Variants in TDRD3 observed in about 807,000 individuals in gnomAD.
The protein encoded by TDRD3 is tudor domain-containing protein 3.
Under a neutral mutation model 86.7 loss-of-function variants are expected in TDRD3, and 45 were observed. The observed-to-expected ratio is 0.52, with a 90% confidence interval of 0.41 to 0.67. The LOEUF (loss-of-function observed/expected upper bound fraction) is 0.67. Among genes scored for constraint, TDRD3 ranks in the 30% least tolerant of loss-of-function variants. TDRD3 has a pLI of 0.00. For missense variants in TDRD3, 814 were observed against 889.0 expected (o/e 0.92, Z 1.07); for synonymous variants, 298 against 301.7 (o/e 0.99, Z 0.13).
At position 60,483,841 on chromosome 13, in the gene TDRD3, G is replaced by C. The variant is rs944290069; in HGVS notation, c.562G>C (p.Gly188Arg). Residue 188 changes from glycine to arginine, a missense_variant, in exon 6 of 14, where the codon GGA (glycine) becomes CGA (arginine). Physicochemically the swap from Gly to Arg is moderately radical, Grantham distance 125 (BLOSUM62 -2). Coordinates refer to ENST00000377881, the MANE Select transcript of TDRD3 (RefSeq NM_001146070.2). Reference protein sequence around the residue: ...EGGPPPFVPFGQKCVSHVQVD... With the variant: ...EGGPPPFVPFRQKCVSHVQVD... ...TGGACCACCGCCTTTTGTGCCTTTT[G>C]GACAGGTAATGACTTTTGTGTTGGC... 6.2e-7 allele frequency: 1 copy of C among 1,612,722 alleles called. No homozygotes were observed. Among genetic ancestry groups the C allele is most frequent in the Non-Finnish European group, 8.5e-7 (1 of 1,179,360 alleles).
chr13:60,571,810 T>C (rs896807642), intron 13 of TDRD3, among the ~76,000 whole-genome samples: 1 of 152,120 alleles, frequency 6.6e-6, no homozygotes, highest in African/African-American at 2.4e-5. Flanking sequence ...TAAGGACAGC[T>C]TCAGTGACAG....
At chr13:60,408,587 C>T (rs1475509211) in intron 1 of TDRD3, among the ~76,000 whole-genome samples, 1 of 152,154 alleles carries the variant, frequency 6.6e-6, no homozygotes, top group African/African-American at 2.4e-5. Context: ...TATGTTTTAG[C>T]AAGGAGACTG....
chr13:60,472,885 G>C (rs1436118283), intron 5 of TDRD3, among the ~76,000 whole-genome samples: 1 of 152,084 alleles, frequency 6.6e-6, no homozygotes, highest in Non-Finnish European at 1.5e-5. Flanking sequence ...GGGAGTTATT[G>C]TTTAATGAGT....
At chr13:60,494,972 T>C (rs1956682620) in intron 8 of TDRD3, among the ~76,000 whole-genome samples, 1 of 152,228 alleles carries the variant, frequency 6.6e-6, no homozygotes, top group Admixed American at 6.5e-5. Flanking sequence ...GCATATGTAT[T>C]ATGTGGACCC....
At chr13:60,531,344 A>G (rs1001152846) in intron 11 of TDRD3, among the ~76,000 whole-genome samples, 14 of 152,168 alleles carry the variant, frequency 9.2e-5, no homozygotes, top group African/African-American at 3.4e-4. Flanking sequence ...GATTCATTAT[A>G]TTTAGATATT....
intron 8 of TDRD3, among the ~76,000 whole-genome samples, chr13:60,498,781 G>T (rs921045706): frequency 5.9e-5 from 9 of 152,132 alleles, no homozygotes; most frequent in African/African-American, 2.2e-4. Context: ...TGGGGAAAGA[G>T]AAATGATCAA....
chr13:60,397,549 C>T (rs1056708600), intron 1 of TDRD3, 144 bp downstream of exon 1: 2 of 570,578 alleles, frequency 3.5e-6, no homozygotes, highest in African/African-American at 2.0e-5. Flanking sequence ...TTCGGGCCGG[C>T]TCCGCCCCCG....
At chr13:60,426,702 G>T (rs762578695) in intron 1 of TDRD3, among the ~76,000 whole-genome samples, 11 of 152,240 alleles carry the variant, frequency 7.2e-5, no homozygotes, top group Non-Finnish European at 1.6e-4. Context: ...GAAAATTAAG[G>T]AGAGATTACT....
chr13:60,489,971 C>T (rs1174508324), intron 7 of TDRD3, among the ~76,000 whole-genome samples: 1 of 151,174 alleles, frequency 6.6e-6, no homozygotes, highest in Non-Finnish European at 1.5e-5. Context: ...GCATAGTTAA[C>T]CTATTATAAT....
intron 1 of TDRD3, among the ~76,000 whole-genome samples, chr13:60,399,710 T>C (rs1566163323): frequency 6.6e-6 from 1 of 152,270 alleles, no homozygotes; most frequent in Non-Finnish European, 1.5e-5. Flanking sequence ...TATTCAAATC[T>C]ATGTACTTAG....
intron 12 of TDRD3, chr13:60,537,390 T>A (rs539455882): frequency 6.6e-6 from 1 of 152,008 alleles, no homozygotes; most frequent in Non-Finnish European, 1.5e-5. Flanking sequence ...TTAAAAAATA[T>A]TTGTGTGCAT....
At chr13:60,498,890 G>C (rs1381796177) in intron 8 of TDRD3, among the ~76,000 whole-genome samples, 2 of 152,132 alleles carry the variant, frequency 1.3e-5, no homozygotes, top group East Asian at 3.9e-4. Flanking sequence ...GCTTATGGAG[G>C]TCAGGAAATT....
intron 12 of TDRD3, 27 bp downstream of exon 12, chr13:60,535,260 G>C (rs894658158): frequency 6.3e-7 from 1 of 1,577,834 alleles, no homozygotes; most frequent in Non-Finnish European, 8.6e-7. Context: ...CTGTACAAAG[G>C]CATAAACTAT....
intron 5 of TDRD3, among the ~76,000 whole-genome samples, chr13:60,480,123 A>G (rs1334973464): frequency 1.3e-5 from 2 of 152,130 alleles, no homozygotes; most frequent in African/African-American, 4.8e-5. Context: ...CTTTGTGATG[A>G]CAGGTATCAT....
intron 8 of TDRD3, among the ~76,000 whole-genome samples, chr13:60,496,824 C>T (rs1956729494): frequency 6.6e-6 from 1 of 152,112 alleles, no homozygotes; most frequent in Non-Finnish European, 1.5e-5. Context: ...CTGGAGGGTC[C>T]TTGTTCTTAG....
At chr13:60,500,207 A>C (rs1440606319) in intron 8 of TDRD3, among the ~76,000 whole-genome samples, 1 of 152,146 alleles carries the variant, frequency 6.6e-6, no homozygotes, top group Non-Finnish European at 1.5e-5. Context: ...ATGCAACCTG[A>C]ACTGCCTATC....
At chr13:60,395,862 G>A (rs115562775), upstream of TDRD3, among the ~76,000 whole-genome samples, 8 of 152,140 alleles carry the variant, frequency 5.3e-5, no homozygotes, top group African/African-American at 9.6e-5. Context: ...GCATACTACT[G>A]CACATTGCAG....
At chr13:60,480,411 CTGTATGA>C (rs1956284549) in intron 5 of TDRD3, among the ~76,000 whole-genome samples, 1 of 152,190 alleles carries the variant, frequency 6.6e-6, no homozygotes, top group Non-Finnish European at 1.5e-5. Flanking sequence ...CTCTAGCTGC[CTGTATGA>C]TTTTTTTCTT....
chr13:60,401,468 A>C (rs1954099844), intron 1 of TDRD3, among the ~76,000 whole-genome samples: 1 of 152,162 alleles, frequency 6.6e-6, no homozygotes, highest in Non-Finnish European at 1.5e-5. Flanking sequence ...CCCTGGGACC[A>C]ATCCCTTATG....
Sources: gnomAD v4.1 joint callset for allele counts (sites outside exome capture counted in the v4.1 genomes callset) on GRCh38, gnomAD v4.1.1 for gene constraint, MANE v1.5 for transcripts, NCBI Gene and HGNC (gene_info 2026-07-23, HGNC 2026-07-21) for gene names.